Variants in KIF26B observed in about 807,000 individuals in gnomAD.
The protein encoded by KIF26B is kinesin family member 26B.
In KIF26B, 63 loss-of-function variants were observed where a neutral mutation model predicts 151.2. The observed-to-expected ratio is 0.42, with a 90% CI of 0.34 to 0.51. KIF26B has a LOEUF of 0.51. Among genes scored for constraint, KIF26B ranks in the 20% least tolerant of loss-of-function variants. The pLI, the probability that KIF26B is intolerant of heterozygous loss-of-function variation, is 0.07. For missense variants in KIF26B, 2,813 were observed against 2,913.6 expected, an observed-to-expected ratio of 0.97 and a Z score of 0.79; for synonymous variants, 1,357 against 1,262.1, an observed-to-expected ratio of 1.08 and a Z score of -1.59.
chr1:245,446,864 G>A (rs1659260377), intron 4 of KIF26B, among the ~76,000 whole-genome samples: 1 of 152,116 alleles, frequency 6.6e-6, no homozygotes, highest in Admixed American at 6.6e-5. Context: ...TGATCACTAG[G>A]GAGTTCCCAC....
intron 4 of KIF26B, among the ~76,000 whole-genome samples, chr1:245,528,436 T>C (rs1661289539): frequency 6.6e-6 from 1 of 152,176 alleles, no homozygotes; most frequent in Admixed American, 6.5e-5. Context: ...TTACCTCTCA[T>C]TGTCCAACGT....
intron 3 of KIF26B, among the ~76,000 whole-genome samples, chr1:245,411,094 C>T (rs1391926598): frequency 2.0e-5 from 3 of 152,202 alleles, no homozygotes; most frequent in African/African-American, 7.2e-5. Flanking sequence ...AGTTAACTTG[C>T]TGCAATGTCT....
chr1:245,399,196 ATTG>A (rs1463177505), intron 3 of KIF26B, among the ~76,000 whole-genome samples: 1 of 151,996 alleles, frequency 6.6e-6, no homozygotes, highest in African/African-American at 2.4e-5. Context: ...TACCATTATT[ATTG>A]TTATCTGTCA....
At chr1:245,200,262 A>G (rs773547176) in intron 2 of KIF26B, among the ~76,000 whole-genome samples, 17 of 152,194 alleles carry the variant, frequency 1.1e-4, no homozygotes, top group Admixed American at 2.0e-4. Flanking sequence ...ACAGCATTCA[A>G]CCAGGAGTGG....
intron 2 of KIF26B, among the ~76,000 whole-genome samples, chr1:245,336,946 T>G (rs1672245976): frequency 6.6e-6 from 1 of 152,154 alleles, no homozygotes; most frequent in African/African-American, 2.4e-5. Flanking sequence ...GCTGACCACT[T>G]GGATTCCTGG....
intron 2 of KIF26B, among the ~76,000 whole-genome samples, chr1:245,359,909 G>A (rs1044693773): frequency 6.9e-6 from 1 of 145,294 alleles, no homozygotes. Context: ...GTCTCACTCT[G>A]TCACCCGGGC....
chr1:245,311,862 A>G (rs2089719), intron 2 of KIF26B, among the ~76,000 whole-genome samples: 95,512 of 152,028 alleles, frequency 0.63, 30,986 homozygotes, highest in African/African-American at 0.78. Context: ...CCCAGGAGAC[A>G]GAGGTTGCAG....
intron 14 of KIF26B, among the ~76,000 whole-genome samples, 185 bp downstream of exon 14, chr1:245,699,222 C>T (rs570406611): frequency 1.3e-5 from 2 of 152,134 alleles, no homozygotes; most frequent in South Asian, 2.1e-4. Flanking sequence ...CGGGAGGGGC[C>T]GGGACAGCAG....
chr1:245,421,961 GGA>G (rs998022496), intron 4 of KIF26B, among the ~76,000 whole-genome samples: 8 of 152,236 alleles, frequency 5.3e-5, no homozygotes, highest in African/African-American at 1.7e-4. Context: ...AGGGTGGAAG[GGA>G]GATACTGAGG....
In KIF26B at chr1:245,358,407, C is replaced by A. The variant is rs1004580703; in HGVS notation, c.466-8427C>A. The stretch of plus-strand genomic sequence containing the variant: ...TGGTGATGGGTGCCTGTAGTCCCAG[C>A]TACTCGGGAGGCTGAGGCAGGAGAA... On this transcript the variant is annotated intron_variant, in intron 2 of 14. Transcript: ENST00000407071. This position sits in a 1 kb window ranked among gnomAD's most constrained non-coding sequence, Gnocchi z 4.1. Among the ~76,000 whole-genome samples, 1 of 152,124 alleles carries A rather than the reference C, an allele frequency of 6.6e-6. No homozygotes were observed. Among genetic ancestry groups the A allele is most frequent in the African/African-American group, 2.4e-5 (1 of 41,432 alleles).
At chr1:245,640,869 A>G (rs1444069192) in intron 9 of KIF26B, among the ~76,000 whole-genome samples, 4 of 152,238 alleles carry the variant, frequency 2.6e-5, no homozygotes, top group Non-Finnish European at 2.9e-5. Flanking sequence ...AAATTTGCCT[A>G]CCTCAAAAAT....
At chr1:245,473,310 A>G (rs756788133) in intron 4 of KIF26B, among the ~76,000 whole-genome samples, 2 of 152,102 alleles carry the variant, frequency 1.3e-5, no homozygotes, top group African/African-American at 2.4e-5. Context: ...ATGGTTTTCA[A>G]TTTCTTAATT....
At chr1:245,490,725 T>C (rs1333954301) in intron 4 of KIF26B, among the ~76,000 whole-genome samples, 7 of 152,184 alleles carry the variant, frequency 4.6e-5, no homozygotes, top group Non-Finnish European at 8.8e-5. Flanking sequence ...GCAGTGCCTG[T>C]TTTCCATTCA....
At chr1:245,385,637 G>A (rs969292899) in intron 3 of KIF26B, among the ~76,000 whole-genome samples, 11 of 152,220 alleles carry the variant, frequency 7.2e-5, no homozygotes, top group Admixed American at 2.0e-4. Context: ...GGGAGCTGGG[G>A]AAGAGGCAGA....
chr1:245,406,233 C>T (rs545656977), intron 3 of KIF26B, among the ~76,000 whole-genome samples: 1 of 152,232 alleles, frequency 6.6e-6, no homozygotes, highest in Admixed American at 6.5e-5. Context: ...CCATAGCCTC[C>T]CTTGTTGCTC....
At chr1:245,253,547 G>A (rs1670480497) in intron 2 of KIF26B, among the ~76,000 whole-genome samples, 1 of 151,872 alleles carries the variant, frequency 6.6e-6, no homozygotes, top group Non-Finnish European at 1.5e-5. Flanking sequence ...CTAGCTTTAG[G>A]AAATAAGTTG....
At chr1:245,212,547 C>A (rs1669560022) in intron 2 of KIF26B, among the ~76,000 whole-genome samples, 1 of 152,202 alleles carries the variant, frequency 6.6e-6, no homozygotes, top group South Asian at 2.1e-4. Context: ...CCTCTTTGCC[C>A]CCAATCCTAC....
intron 10 of KIF26B, among the ~76,000 whole-genome samples, chr1:245,655,076 T>A (rs2044059188): frequency 6.6e-6 from 1 of 152,202 alleles, no homozygotes. Flanking sequence ...TCGCTGTGCT[T>A]TCTAAAGAGA....
intron 5 of KIF26B, among the ~76,000 whole-genome samples, chr1:245,555,436 C>T (rs1451366550): frequency 6.6e-6 from 1 of 152,174 alleles, no homozygotes; most frequent in Non-Finnish European, 1.5e-5. Flanking sequence ...CCAGCTTTCT[C>T]TCTTACAGCT....
Sources: gnomAD v4.1 joint callset for allele counts (sites outside exome capture counted in the v4.1 genomes callset) on GRCh38, gnomAD v4.1.1 for gene constraint, Gnocchi (gnomAD v3.1) non-coding constraint, MANE v1.5 for transcripts, NCBI Gene and HGNC (gene_info 2026-07-23, HGNC 2026-07-21) for gene names.